ENOX2: variants seen among roughly 807,000 people sequenced by gnomAD.
ENOX2 encodes APK1 antigen.
ENOX2 carries 36 observed loss-of-function variants against 45.0 expected under a neutral mutation model. That is an observed-to-expected ratio of 0.80 (90% CI 0.61 to 1.06). The LOEUF (loss-of-function observed/expected upper bound fraction) is 1.06. Among genes scored for constraint, ENOX2 ranks in the 50% least tolerant of loss-of-function variants. The pLI is 0.00. For missense variants in ENOX2, 423 were observed against 462.5 expected, an observed-to-expected ratio of 0.91 and a Z score of 0.78; for synonymous variants, 174 against 152.3, an observed-to-expected ratio of 1.14 and a Z score of -1.05.
intron 13 of ENOX2, among the ~76,000 whole-genome samples, chrX:130,631,107 C>T (rs1247306685): frequency 9.0e-6 from 1 of 111,234 alleles, no homozygotes; most frequent in Non-Finnish European, 1.9e-5. Context: ...AAGCTCTCTG[C>T]CAAATACGGT....
Position 130,623,404 on chromosome X carries a change from T to A in ENOX2, c.*1910A>T, listed in dbSNP as rs2035468196. On this transcript the variant is annotated 3_prime_UTR_variant, in exon 15 of 15. Transcript: ENST00000394363. ...TTTTTTAAGTAAGTTCCGGGGTACATGTGCAGGATGTGCAGGTTTGTTACA... is the reference window on the plus strand; with the variant it reads ...TTTTTTAAGTAAGTTCCGGGGTACAAGTGCAGGATGTGCAGGTTTGTTACA... The A allele has an allele frequency of 9.0e-6, 1 of 110,695 alleles. No individual in the cohort carries two copies. The highest frequency in any genetic ancestry group is 3.3e-5 in the African/African-American group (1 of 30,387). The allele number at this position is 110,695 out of a possible 1,213,427, so 9.1% of individuals were successfully genotyped here.
At chrX:130,851,471 C>CTT (rs780960248) in intron 2 of ENOX2, among the ~76,000 whole-genome samples, 2 of 103,098 alleles carry the variant, frequency 1.9e-5, no homozygotes, top group African/African-American at 7.1e-5. Context: ...CTTTTTTTTC[C>CTT]TTTTTTTTTT....
intron 3 of ENOX2, among the ~76,000 whole-genome samples, chrX:130,750,429 T>C (rs936548289): frequency 7.1e-5 from 8 of 111,970 alleles, no homozygotes; most frequent in African/African-American, 1.3e-4. Context: ...CCAGCCTGTC[T>C]GTCCACTTGT....
At chrX:130,794,756 A>C (rs2077093278) in intron 2 of ENOX2, among the ~76,000 whole-genome samples, 1 of 112,368 alleles carries the variant, frequency 8.9e-6, no homozygotes, top group Non-Finnish European at 1.9e-5. Context: ...TTTAAGACTG[A>C]TGCACCGCAT....
Position 130,881,066 on chromosome X carries a change from C to T in ENOX2, c.-183+20618G>A, listed in dbSNP as rs185817773. Among the ~76,000 whole-genome samples, 719 of 112,157 alleles carry T rather than the reference C, an allele frequency of 6.4e-3. 2 individuals carry two copies. Among genetic ancestry groups the T allele is most frequent in the Middle Eastern group, 0.019 (4 of 215 alleles). On this transcript the variant is annotated intron_variant, in intron 2 of 14. Transcript: ENST00000394363. The stretch of plus-strand genomic sequence containing the variant: ...GCCAAACCTTCTTGAGCTGCACTGA[C>T]GGTACTACATCCAGTAGCCACATGT...
chrX:130,767,979 T>C (rs1180537943), intron 3 of ENOX2, among the ~76,000 whole-genome samples: 3 of 110,623 alleles, frequency 2.7e-5, no homozygotes, highest in Non-Finnish European at 5.7e-5. Context: ...TAGCAAGGAG[T>C]TGAATGTTGC....
At chrX:130,833,222 T>A (rs1325350668) in intron 2 of ENOX2, among the ~76,000 whole-genome samples, 1 of 111,511 alleles carries the variant, frequency 9.0e-6, no homozygotes, top group East Asian at 2.8e-4. Context: ...TGGGCACACA[T>A]GAAATTGCAA....
intron 2 of ENOX2, among the ~76,000 whole-genome samples, chrX:130,881,744 A>G (rs112494416): frequency 9.0e-6 from 1 of 111,655 alleles, no homozygotes; most frequent in Non-Finnish European, 1.9e-5. Flanking sequence ...CTGAGCGAGG[A>G]TGAGTATAGA....
chrX:130,825,530 G>A (rs1452906626), intron 2 of ENOX2, among the ~76,000 whole-genome samples: 1 of 111,740 alleles, frequency 8.9e-6, no homozygotes, highest in Admixed American at 9.5e-5. Context: ...ATAACTGTAC[G>A]GTAGTTCTCC....
chrX:130,870,931 G>GGAGAGAGAGAGACA (rs1467001482), intron 2 of ENOX2, among the ~76,000 whole-genome samples: 2 of 107,136 alleles, frequency 1.9e-5, no homozygotes, highest in Non-Finnish European at 3.9e-5. Flanking sequence ...GGAGGGAGAC[G>GGAGAGAGAGAGACA]GAGAGAGAGA....
At chrX:130,730,917 T>C (rs191623992) in intron 3 of ENOX2, among the ~76,000 whole-genome samples, 1 of 111,524 alleles carries the variant, frequency 9.0e-6, no homozygotes, top group East Asian at 2.8e-4. Context: ...AACTGTTTCT[T>C]ATCAGACTTA....
intron 3 of ENOX2, among the ~76,000 whole-genome samples, chrX:130,715,914 T>G (rs1289755804): frequency 8.9e-6 from 1 of 111,967 alleles, no homozygotes; most frequent in Non-Finnish European, 1.9e-5. Flanking sequence ...GTGCCTAACT[T>G]AGTAAATGCT....
intron 2 of ENOX2, among the ~76,000 whole-genome samples, chrX:130,871,792 C>T (rs894043049): frequency 1.8e-5 from 2 of 110,490 alleles, no homozygotes; most frequent in Non-Finnish European, 3.8e-5. Flanking sequence ...TCTAAGCCAC[C>T]GAGGAACAGA....
At chrX:130,901,939 G>A (rs1004643351) in intron 1 of ENOX2, among the ~76,000 whole-genome samples, 3 of 111,581 alleles carry the variant, frequency 2.7e-5, no homozygotes, top group African/African-American at 9.8e-5. Context: ...TCCCTCTTCT[G>A]TTTACCCTTC....
chrX:130,797,039 A>G (rs768746994), intron 2 of ENOX2, among the ~76,000 whole-genome samples: 2 of 112,015 alleles, frequency 1.8e-5, no homozygotes, highest in East Asian at 5.6e-4. Flanking sequence ...AGTTGAAGAG[A>G]GTGCCACAGC....
At chrX:130,682,015 A>ACC (rs60504049) in intron 5 of ENOX2, among the ~76,000 whole-genome samples, 3 of 86,170 alleles carry the variant, frequency 3.5e-5, no homozygotes, top group Admixed American at 1.3e-4. Context: ...ATGGAACACA[A>ACC]CCCCCCCCCC....
intron 2 of ENOX2, among the ~76,000 whole-genome samples, chrX:130,825,806 C>T (rs1157094231): frequency 9.1e-6 from 1 of 109,968 alleles, no homozygotes; most frequent in Non-Finnish European, 1.9e-5. Flanking sequence ...CAATAGATTA[C>T]AAGAGGAAGA....
chrX:130,816,615 C>A (rs1039492790), intron 2 of ENOX2, among the ~76,000 whole-genome samples: 3 of 112,009 alleles, frequency 2.7e-5, no homozygotes, highest in Admixed American at 1.9e-4. Context: ...GAAACTCACA[C>A]AAAACCGCAC....
At chrX:130,635,854 T>A (rs971152079) in intron 11 of ENOX2, among the ~76,000 whole-genome samples, 4 of 112,353 alleles carry the variant, frequency 3.6e-5, no homozygotes, top group African/African-American at 1.3e-4. Context: ...TTACAAGGCA[T>A]TTTTTTCAAT....
Sources: allele counts gnomAD v4.1 joint callset (sites outside exome capture counted in the v4.1 genomes callset), GRCh38; gene constraint gnomAD v4.1.1; transcripts MANE v1.5; gene names NCBI Gene and HGNC (gene_info 2026-07-23, HGNC 2026-07-21).